SSH2: variants seen among roughly 807,000 people sequenced by gnomAD.
The protein encoded by SSH2 is protein phosphatase Slingshot homolog 2.
SSH2 carries 37 observed loss-of-function variants against 135.2 expected under a neutral mutation model. The observed-to-expected ratio is 0.27, with a 90% CI of 0.21 to 0.36. The LOEUF is 0.36. Ranked by LOEUF, SSH2 falls within the 10% of genes least tolerant of loss-of-function variation. The pLI, the probability that SSH2 is intolerant of heterozygous loss-of-function variation, is 1.00. For missense variants in SSH2, 1,408 were observed against 1,765.3 expected, an observed-to-expected ratio of 0.80 and a Z score of 3.63; for synonymous variants, 628 against 646.2, an observed-to-expected ratio of 0.97 and a Z score of 0.43.
intron 1 of SSH2, among the ~76,000 whole-genome samples, chr17:29,920,599 T>A (rs1286289141): frequency 6.6e-6 from 1 of 152,166 alleles, no homozygotes; most frequent in East Asian, 1.9e-4. Flanking sequence ...TTTCATATAA[T>A]GAACTAAGAA....
intron 1 of SSH2, chr17:29,866,229 T>C (rs2065853730): frequency 1.3e-5 from 2 of 151,186 alleles, no homozygotes; most frequent in Non-Finnish European, 1.5e-5. Context: ...TTTAGAAATT[T>C]ATGTGTAGAT....
intron 3 of SSH2, among the ~76,000 whole-genome samples, chr17:29,725,496 C>T (rs2039972990): frequency 1.3e-5 from 2 of 152,102 alleles, no homozygotes; most frequent in African/African-American, 4.8e-5. Flanking sequence ...TTGGAACCAA[C>T]CCAAATGCCC....
rs142743237 is a variant in SSH2, at chr17:29,919,864, T to C, written c.63+10074A>G. Reference sequence around the variant, plus strand: ...AGACAACACTACAGCAGGCATTTAATGGAAAAACAGTAAATCTTAAGCTGC... The same window carrying C: ...AGACAACACTACAGCAGGCATTTAACGGAAAAACAGTAAATCTTAAGCTGC... On this transcript the variant is annotated intron_variant, in intron 1 of 15. Transcript: ENST00000540801. Among the ~76,000 whole-genome samples, 1,028 of 152,218 alleles carry C rather than the reference T, an allele frequency of 6.8e-3. 5 individuals are homozygous for C. Among genetic ancestry groups the C allele is most frequent in the Admixed American group, 0.014 (217 of 15,282 alleles).
At chr17:29,831,266 C>T (rs563050344) in intron 2 of SSH2, among the ~76,000 whole-genome samples, 33 of 152,286 alleles carry the variant, frequency 2.2e-4, no homozygotes, top group African/African-American at 7.5e-4. Flanking sequence ...ATAACCTATA[C>T]GCTACTCAGT....
intron 9 of SSH2, among the ~76,000 whole-genome samples, 168 bp downstream of exon 9, chr17:29,671,767 A>T (rs939503751): frequency 6.6e-6 from 1 of 152,244 alleles, no homozygotes; most frequent in Non-Finnish European, 1.5e-5. Context: ...TGCAGGCAAC[A>T]GCAAGAATAG....
chr17:29,743,334 A>G (rs2040635838), intron 3 of SSH2, among the ~76,000 whole-genome samples: 1 of 152,194 alleles, frequency 6.6e-6, no homozygotes. Flanking sequence ...GTTATTTATA[A>G]GATTGCCATA....
intron 3 of SSH2, among the ~76,000 whole-genome samples, chr17:29,771,785 T>A (rs2041591518): frequency 6.6e-6 from 1 of 152,210 alleles, no homozygotes; most frequent in African/African-American, 2.4e-5. Flanking sequence ...TTTAGGATGG[T>A]CAAGTTTCCA....
At chr17:29,790,043 A>C (rs1240361655) in intron 3 of SSH2, among the ~76,000 whole-genome samples, 1 of 152,164 alleles carries the variant, frequency 6.6e-6, no homozygotes, top group East Asian at 1.9e-4. Context: ...TTTGGACTTT[A>C]GGCTTCAGAA....
chr17:29,847,530 T>C (rs974583592), intron 2 of SSH2, among the ~76,000 whole-genome samples: 1 of 152,170 alleles, frequency 6.6e-6, no homozygotes, highest in Non-Finnish European at 1.5e-5. Flanking sequence ...TAAATGACAG[T>C]TGGAGAGCTC....
chr17:29,687,029 T>A (rs1301951473), intron 5 of SSH2, among the ~76,000 whole-genome samples: 1 of 152,222 alleles, frequency 6.6e-6, no homozygotes, highest in Non-Finnish European at 1.5e-5. Context: ...TTCTTCTGTA[T>A]AAAATAACCC....
At chr17:29,764,013 G>A (rs888704369) in intron 3 of SSH2, among the ~76,000 whole-genome samples, 13 of 150,168 alleles carry the variant, frequency 8.7e-5, no homozygotes, top group African/African-American at 3.0e-4. Context: ...GCAATGGCGC[G>A]ATCTCAGCTC....
At chr17:29,711,492 T>C (rs1261308026) in intron 3 of SSH2, among the ~76,000 whole-genome samples, 1 of 152,254 alleles carries the variant, frequency 6.6e-6, no homozygotes, top group Non-Finnish European at 1.5e-5. Flanking sequence ...AGAGACATAA[T>C]TTAGGATCAA....
chr17:29,829,604 A>G (rs1163002758), intron 2 of SSH2, among the ~76,000 whole-genome samples: 1 of 152,108 alleles, frequency 6.6e-6, no homozygotes, highest in East Asian at 1.9e-4. Context: ...TTTAGCTTCC[A>G]TTTATTGTGT....
At chr17:29,868,510 G>A (rs1006851245) in intron 1 of SSH2, among the ~76,000 whole-genome samples, 1 of 152,114 alleles carries the variant, frequency 6.6e-6, no homozygotes, top group African/African-American at 2.4e-5. Context: ...GGCCGAGGCG[G>A]GCAGATTGCC....
At chr17:29,808,762 C>A (rs1285289250) in intron 2 of SSH2, among the ~76,000 whole-genome samples, 2 of 152,140 alleles carry the variant, frequency 1.3e-5, no homozygotes, top group Admixed American at 6.6e-5. Context: ...TGTGCATTTG[C>A]CTCAGCAGGC....
At chr17:29,746,657 G>C (rs925257819) in intron 3 of SSH2, among the ~76,000 whole-genome samples, 2 of 151,546 alleles carry the variant, frequency 1.3e-5, no homozygotes, top group African/African-American at 4.8e-5. Context: ...AAGAGAAAGA[G>C]TAACTTAAAA....
At chr17:29,837,015 G>T (rs1369577335) in intron 2 of SSH2, among the ~76,000 whole-genome samples, 5 of 152,150 alleles carry the variant, frequency 3.3e-5, no homozygotes, top group Non-Finnish European at 2.9e-5. Flanking sequence ...TCAGCACTTT[G>T]GGAGGCCGAG....
At chr17:29,670,533 C>T (rs569857490) in intron 9 of SSH2, among the ~76,000 whole-genome samples, 8 of 152,240 alleles carry the variant, frequency 5.3e-5, no homozygotes, top group East Asian at 1.9e-4. Flanking sequence ...GTGGTGGCTA[C>T]GCCTGTAATC....
chr17:29,818,958 G>A (rs1425272465), intron 2 of SSH2, among the ~76,000 whole-genome samples: 1 of 152,002 alleles, frequency 6.6e-6, no homozygotes, highest in African/African-American at 2.4e-5. Context: ...CAGGTGCAGT[G>A]GCTCACACCT....
Sources: gnomAD v4.1 joint callset for allele counts (sites outside exome capture counted in the v4.1 genomes callset) on GRCh38, gnomAD v4.1.1 for gene constraint, MANE v1.5 for transcripts, NCBI Gene and HGNC (gene_info 2026-07-23, HGNC 2026-07-21) for gene names.